The following CPEB3 variants were observed in gnomAD, a reference collection of about 807,000 sequenced individuals.
CPEB3 encodes the protein cytoplasmic polyadenylation element-binding protein 3.
A neutral mutation model predicts 67.2 loss-of-function variants in CPEB3; 20 were observed. The observed-to-expected ratio is 0.30, with a 90% CI of 0.21 to 0.43. The LOEUF (loss-of-function observed/expected upper bound fraction) is 0.43. CPEB3 is among the 20% of genes least tolerant of loss of function. The probability of loss-of-function intolerance (pLI) is 1.00; values close to 1 mark genes in which losing one functional copy is unlikely to be tolerated. For missense variants in CPEB3, 746 were observed against 968.6 expected (o/e 0.77, Z 3.05); for synonymous variants, 376 against 393.1 (o/e 0.96, Z 0.51).
intron 8 of CPEB3, among the ~76,000 whole-genome samples, chr10:92,086,938 G>A (rs1443379456): frequency 1.3e-5 from 2 of 152,188 alleles, no homozygotes. Flanking sequence ...AAGTCAGTAT[G>A]CCAAATCTGG....
chr10:92,092,778 G>C (rs80022087), intron 7 of CPEB3, among the ~76,000 whole-genome samples: 1 of 149,328 alleles, frequency 6.7e-6, no homozygotes, highest in Non-Finnish European at 1.5e-5. Context: ...GACTGTCTCA[G>C]GAAAAAAAAA....
chr10:92,053,689 C>A (rs1842003563), intron 9 of CPEB3, among the ~76,000 whole-genome samples: 1 of 151,986 alleles, frequency 6.6e-6, no homozygotes, highest in African/African-American at 2.4e-5. Flanking sequence ...CTACAGGCAC[C>A]CGCCACCACG....
At chr10:92,175,470 G>A (rs938505643) in intron 4 of CPEB3, among the ~76,000 whole-genome samples, 2 of 151,800 alleles carry the variant, frequency 1.3e-5, no homozygotes, top group African/African-American at 4.8e-5. Context: ...GAGAACTCCC[G>A]CATCATATGA....
chr10:92,054,585 G>A (rs1403802356), intron 9 of CPEB3, among the ~76,000 whole-genome samples: 3 of 152,008 alleles, frequency 2.0e-5, no homozygotes, highest in African/African-American at 7.2e-5. Context: ...GATTACAGGC[G>A]CCCATCACCA....
intron 2 of CPEB3, among the ~76,000 whole-genome samples, chr10:92,202,887 A>G (rs938791717): frequency 1.2e-4 from 18 of 151,878 alleles, no homozygotes; most frequent in Admixed American, 1.1e-3. Flanking sequence ...TGTGAATTAT[A>G]TCTCAATAAA....
At chr10:92,188,703 G>C (rs565862219) in intron 3 of CPEB3, among the ~76,000 whole-genome samples, 38 of 152,238 alleles carry the variant, frequency 2.5e-4, no homozygotes, top group Admixed American at 2.2e-3. Context: ...CTGGGCGACA[G>C]AGCCAGACTC....
intron 6 of CPEB3, among the ~76,000 whole-genome samples, chr10:92,127,990 T>C (rs1845679925): frequency 6.6e-6 from 1 of 152,174 alleles, no homozygotes; most frequent in South Asian, 2.1e-4. Context: ...CAATGTACCA[T>C]TTATCTGACT....
chr10:92,059,525 A>G (rs1842256960), intron 9 of CPEB3, among the ~76,000 whole-genome samples: 1 of 152,022 alleles, frequency 6.6e-6, no homozygotes, highest in Non-Finnish European at 1.5e-5. Flanking sequence ...CTACATCAAA[A>G]CGGGGAAAAA....
chr10:92,073,331 G>A (rs565862656), intron 9 of CPEB3, among the ~76,000 whole-genome samples: 94 of 151,690 alleles, frequency 6.2e-4, no homozygotes, highest in South Asian at 4.4e-3. Context: ...GAGCCAGTGC[G>A]CCTGGCCGTA....
At chr10:92,224,379 C>G (rs1324744005) in intron 2 of CPEB3, among the ~76,000 whole-genome samples, 2 of 152,194 alleles carry the variant, frequency 1.3e-5, no homozygotes, top group Non-Finnish European at 2.9e-5. Flanking sequence ...GCTTAAAAAT[C>G]CTTCAATGTT....
intron 2 of CPEB3, among the ~76,000 whole-genome samples, chr10:92,196,551 G>A (rs920903317): frequency 1.3e-5 from 2 of 152,110 alleles, no homozygotes; most frequent in Non-Finnish European, 2.9e-5. Flanking sequence ...GGTGGATCAC[G>A]AGGTCAGGAG....
At chr10:92,103,486 T>C (rs773270709) in intron 7 of CPEB3, among the ~76,000 whole-genome samples, 1 of 152,186 alleles carries the variant, frequency 6.6e-6, no homozygotes, top group Non-Finnish European at 1.5e-5. Context: ...TCCAGGTTTA[T>C]AAAACAGTCT....
At chr10:92,290,460 C>G (rs1842811308) in intron 1 of CPEB3, among the ~76,000 whole-genome samples, 4 of 152,064 alleles carry the variant, frequency 2.6e-5, no homozygotes, top group Admixed American at 2.6e-4. Context: ...GCTGAGTAAG[C>G]AAGAGCTGTT....
At chr10:92,189,169 AT>A (rs1848839452) in intron 3 of CPEB3, among the ~76,000 whole-genome samples, 4 of 152,160 alleles carry the variant, frequency 2.6e-5, no homozygotes, top group Admixed American at 2.6e-4. Context: ...TTTATTATAT[AT>A]TTTTTACATC....
intron 6 of CPEB3, among the ~76,000 whole-genome samples, chr10:92,117,478 T>C (rs1435801641): frequency 1.3e-5 from 2 of 150,560 alleles, no homozygotes; most frequent in East Asian, 2.0e-4. Flanking sequence ...TACAGGTGCC[T>C]GCCACCACAC....
intron 2 of CPEB3, among the ~76,000 whole-genome samples, chr10:92,202,665 G>C (rs1425496721): frequency 6.6e-6 from 1 of 151,536 alleles, no homozygotes; most frequent in African/African-American, 2.4e-5. Context: ...GTCCAGAACA[G>C]ACATATTATC....
chr10:92,251,490 G>C (rs1852300426), intron 1 of CPEB3, among the ~76,000 whole-genome samples: 1 of 151,900 alleles, frequency 6.6e-6, no homozygotes. Flanking sequence ...AAATTAAAAA[G>C]TCTAGAAATA....
rs142071653 is a variant in CPEB3 at position 92,206,368 on chromosome 10, C to T, written c.1006-13732G>A. Among the ~76,000 whole-genome samples the T allele has an allele frequency of 5.9e-5, 9 of 152,262 alleles. No homozygotes were observed. In the East Asian group the frequency reaches 7.7e-4, roughly 13 times the overall value. On this transcript the variant is annotated intron_variant, in intron 2 of 9. Coordinates refer to ENST00000265997, the MANE Select transcript of CPEB3 (RefSeq NM_014912.5). ...GACTACAGGCATGAGCCACCACACCCGGCCTCAGAAAGTCTTAATATATTC... is the reference window on the plus strand; with the variant it reads ...GACTACAGGCATGAGCCACCACACCTGGCCTCAGAAAGTCTTAATATATTC...
At chr10:92,216,423 A>G in intron 2 of CPEB3, 1 of 1,612,828 alleles carries the variant, frequency 6.2e-7, no homozygotes, top group East Asian at 2.2e-5. Flanking sequence ...CTGGTCAACC[A>G]GAACCCCATC....
Sources: allele counts gnomAD v4.1 joint callset (sites outside exome capture counted in the v4.1 genomes callset), GRCh38; gene constraint gnomAD v4.1.1; transcripts MANE v1.5; gene names NCBI Gene and HGNC (gene_info 2026-07-23, HGNC 2026-07-21).